The following ADCY10 variants were observed in gnomAD, a reference collection of about 807,000 sequenced individuals.
ADCY10 encodes the protein adenylate cyclase 10.
Under a neutral mutation model 183.3 loss-of-function variants are expected in ADCY10, and 156 were observed. That is an observed-to-expected ratio of 0.85 (90% CI 0.75 to 0.97). ADCY10 has a LOEUF of 0.97. Among genes scored for constraint, ADCY10 ranks in the 50% least tolerant of loss-of-function variants. The pLI, the probability that ADCY10 is intolerant of heterozygous loss-of-function variation, is 0.00. For synonymous variants in ADCY10, 645 were observed against 670.0 expected, an observed-to-expected ratio of 0.96 and a Z score of 0.58; for missense variants, 1,745 against 1,934.3, an observed-to-expected ratio of 0.90 and a Z score of 1.84.
intron 13 of ADCY10, among the ~76,000 whole-genome samples, chr1:167,870,959 A>C (rs1235119260): frequency 1.3e-5 from 2 of 152,196 alleles, no homozygotes; most frequent in African/African-American, 4.8e-5. Flanking sequence ...TGTGAGAGAA[A>C]GTATTCTTAT....
Position 167,838,956 on chromosome 1 carries a change from T to C in ADCY10, c.3008-1638A>G, listed in dbSNP as rs6672049. On this transcript the variant is annotated intron_variant, in intron 21 of 32. Transcript: ENST00000367851. ...TTTTCTTACCCCCTTCCCTATTCAG[T>C]CCATCAGAAAGTCCCGTTGACCATA... 5.9e-5 allele frequency among the ~76,000 whole-genome samples: 9 copies of C among 152,334 alleles called. No homozygotes were observed. The East Asian group carries it at 9.6e-4, about 16-fold the overall frequency.
At position 167,822,841 on chromosome 1, in the gene ADCY10, G is replaced by T. The variant is rs2269673; in HGVS notation, c.4168+167C>A. On this transcript the variant is annotated intron_variant, in intron 29 of 32. Coordinates refer to ENST00000367851, the MANE Select transcript of ADCY10 (RefSeq NM_018417.6). ...CCGTGCCTTTACAATCTCGGCACCT[G>T]CTAGACAGTGCTTCAGCTCACACAA... 0.61 allele frequency among the ~76,000 whole-genome samples: 92,577 copies of T among 151,764 alleles called. 28,626 individuals carry two copies. The highest frequency in any genetic ancestry group is 0.69 in the African/African-American group (28,389 of 41,372).
intron 1 of ADCY10, among the ~76,000 whole-genome samples, chr1:167,912,872 T>C (rs1670240807): frequency 1.3e-5 from 2 of 152,190 alleles, no homozygotes; most frequent in African/African-American, 4.8e-5. Context: ...TCTATAGATA[T>C]GAAAACTGAA....
At chr1:167,889,770 T>G (rs1668473933) in intron 8 of ADCY10, among the ~76,000 whole-genome samples, 1 of 152,250 alleles carries the variant, frequency 6.6e-6, no homozygotes, top group African/African-American at 2.4e-5. Context: ...TGGTAGGATG[T>G]ATGTGTATAG....
chr1:167,859,740 C>T, intron 16 of ADCY10, 67 bp downstream of exon 16: 4 of 1,248,400 alleles, frequency 3.2e-6, no homozygotes, highest in Non-Finnish European at 4.7e-6. Flanking sequence ...ACTCCTCAAA[C>T]CACCTGGCTT....
chr1:167,809,733 T>A lies in ADCY10; in HGVS notation c.4778A>T (p.Asp1593Val), dbSNP rs1662079904. ...KIVAGRVNIQDLQKNKFLMRA... is the reference protein window; with the variant it reads ...KIVAGRVNIQVLQKNKFLMRA... ...CATCAGGAATTTGTTTTTTTGAAGA[T>A]CCTGAATGTTTACCCTGCCTGCTAC... The change falls in exon 33 of 33, where the codon GAT becomes GTT. Residue 1593 changes from aspartate (D) to valine (V), a missense_variant. By Grantham distance (152) the Asp-to-Val change is radical. Transcript: ENST00000367851. 1 of 1,614,172 alleles carries A rather than the reference T, an allele frequency of 6.2e-7. No homozygotes were observed. Among genetic ancestry groups the A allele is most frequent in the Non-Finnish European group, 8.5e-7 (1 of 1,179,998 alleles).
intron 14 of ADCY10, among the ~76,000 whole-genome samples, chr1:167,862,048 A>G (rs1343088780): frequency 6.6e-6 from 1 of 152,180 alleles, no homozygotes; most frequent in Non-Finnish European, 1.5e-5. Context: ...TCTTTTCTTT[A>G]TAAATTACCC....
chr1:167,850,811 A>G (rs1309794960), intron 18 of ADCY10, among the ~76,000 whole-genome samples: 1 of 151,720 alleles, frequency 6.6e-6, no homozygotes, highest in Non-Finnish European at 1.5e-5. Flanking sequence ...TCTTTCCATC[A>G]CTCAACCAGT....
At chr1:167,832,721 C>T (rs1209116984) in intron 25 of ADCY10, among the ~76,000 whole-genome samples, 4 of 152,118 alleles carry the variant, frequency 2.6e-5, no homozygotes, top group Admixed American at 1.3e-4. Context: ...TGAGTTAGGA[C>T]GGACCCTAGA....
chr1:167,833,020 A>G lies in ADCY10; in HGVS notation c.3560T>C (p.Val1187Ala), dbSNP rs1440475226. Reference protein sequence around the residue: ...HVEKNRHFHYVNRQAQESPPP... With the variant: ...HVEKNRHFHYANRQAQESPPP... The stretch of plus-strand genomic sequence containing the variant: ...TGGGCTCTCTTGGGCCTGCCGATTC[A>G]CATAATGAAAGTGTCTGTTTTTCTC... Residue 1187 changes from valine to alanine, a missense_variant, in exon 25 of 33, where the codon GTG becomes GCG. Val to Ala is a moderately conservative substitution (Grantham distance 64, BLOSUM62 0). Transcript: ENST00000367851. The G allele has an allele frequency of 6.2e-7, 1 of 1,614,124 alleles. No homozygotes were observed. The highest frequency in any genetic ancestry group is 1.3e-5 in the African/African-American group (1 of 75,032).
At chr1:167,872,625 T>C (rs1301421727) in intron 13 of ADCY10, among the ~76,000 whole-genome samples, 1 of 151,818 alleles carries the variant, frequency 6.6e-6, no homozygotes, top group Non-Finnish European at 1.5e-5. Flanking sequence ...TGCAATTTCA[T>C]TTATAGCAGC....
chr1:167,818,215 T>C lies in ADCY10; in HGVS notation c.4339A>G (p.Lys1447Glu). The C allele has an allele frequency of 4.3e-6, 7 of 1,614,236 alleles. No individual in the cohort carries two copies. Among genetic ancestry groups the C allele is most frequent in the Non-Finnish European group, 5.9e-6 (7 of 1,180,044 alleles). The change falls in exon 31 of 33, where the codon AAA becomes GAA. Residue 1447 changes from lysine (K) to glutamate (E), a missense_variant. Coordinates refer to ENST00000367851, the MANE Select transcript of ADCY10 (RefSeq NM_018417.6). ...DNFYKFSNRA[K>E]NLLPRRTMTL... ...ATGGTTCTTCTTGGCAAAAGATTTT[T>C]AGCTCTATTGGAAAATTTGTAAAAG... is the stretch of plus-strand genomic sequence containing the variant.
chr1:167,850,936 T>C (rs917535617), intron 18 of ADCY10, among the ~76,000 whole-genome samples: 2 of 152,030 alleles, frequency 1.3e-5, no homozygotes, highest in African/African-American at 2.4e-5. Context: ...CATTAAACAA[T>C]AGATAAATAC....
chr1:167,875,113 T>A lies in ADCY10; in HGVS notation c.1462+18A>T. ...TTTAGTTCAATAAAGAAGTTTAAAATCAAGGCCTACTACCTACCCAGCAAA... is the reference window on the plus strand; with the variant it reads ...TTTAGTTCAATAAAGAAGTTTAAAAACAAGGCCTACTACCTACCCAGCAAA... On this transcript the variant is annotated intron_variant, in intron 13 of 32. Transcript: ENST00000367851. 6 of 1,611,878 alleles carry A rather than the reference T, an allele frequency of 3.7e-6. No homozygotes were observed. Among genetic ancestry groups the A allele is most frequent in the Non-Finnish European group, 4.2e-6 (5 of 1,177,926 alleles).
At chr1:167,890,700 T>G (rs1240700668) in intron 8 of ADCY10, among the ~76,000 whole-genome samples, 1 of 152,154 alleles carries the variant, frequency 6.6e-6, no homozygotes, top group Non-Finnish European at 1.5e-5. Flanking sequence ...GGAGTTTGGC[T>G]CTCTTATTTT....
rs138179067 is a variant in ADCY10 at position 167,855,794 on chromosome 1, T to C, written c.2171+371A>G. 3.6e-3 allele frequency among the ~76,000 whole-genome samples: 555 copies of C among 152,276 alleles called. 4 individuals carry two copies. Among genetic ancestry groups the C allele is most frequent in the Non-Finnish European group, 5.5e-3 (374 of 68,020 alleles). On this transcript the variant is annotated intron_variant, in intron 17 of 32. Coordinates refer to ENST00000367851, the MANE Select transcript of ADCY10 (RefSeq NM_018417.6). ...TGGGAGGCTGAGATGGGAGGATTGC[T>C]TGAGCCCAGGAGTTCATGATCAGCC...
chr1:167,832,887 G>A, intron 25 of ADCY10, 100 bp downstream of exon 25: 2 of 1,272,662 alleles, frequency 1.6e-6, no homozygotes, highest in Non-Finnish European at 2.3e-6. Flanking sequence ...GAGTCCTTGT[G>A]CCCCCTGGAG....
At chr1:167,833,616 A>G (rs1180764963) in intron 24 of ADCY10, among the ~76,000 whole-genome samples, 1 of 152,058 alleles carries the variant, frequency 6.6e-6, no homozygotes. Context: ...GTGGTGGCGC[A>G]TGCCTGTAAT....
chr1:167,875,256 T>C (rs1215017436), intron 12 of ADCY10, 70 bp from the exon 13 acceptor site: 1 of 1,494,620 alleles, frequency 6.7e-7, no homozygotes, highest in East Asian at 2.3e-5. Context: ...GAGTGATTAG[T>C]TCTTAGTTCC....
Sources: gnomAD v4.1 joint callset for allele counts (sites outside exome capture counted in the v4.1 genomes callset) on GRCh38, gnomAD v4.1.1 for gene constraint, MANE v1.5 for transcripts, NCBI Gene and HGNC (gene_info 2026-07-23, HGNC 2026-07-21) for gene names.